Variants in RPTOR observed in about 807,000 individuals in gnomAD.
The protein encoded by RPTOR is regulatory associated protein of MTOR complex 1.
A neutral mutation model predicts 169.9 loss-of-function variants in RPTOR; 21 were observed. The ratio of observed to expected loss-of-function variants is 0.12; its 90% CI spans 0.09 to 0.18. RPTOR has a LOEUF of 0.18. Among genes scored for constraint, RPTOR ranks in the 10% least tolerant of loss-of-function variants. The probability of loss-of-function intolerance (pLI) is 1.00; values close to 1 mark genes in which losing one functional copy is unlikely to be tolerated. For missense variants in RPTOR, 1,133 were observed against 1,855.9 expected, an observed-to-expected ratio of 0.61 and a Z score of 7.16; for synonymous variants, 732 against 753.2, an observed-to-expected ratio of 0.97 and a Z score of 0.46.
At chr17:80,774,576 T>C (rs2066875201) in intron 6 of RPTOR, among the ~76,000 whole-genome samples, 1 of 152,214 alleles carries the variant, frequency 6.6e-6, no homozygotes, top group Non-Finnish European at 1.5e-5. Flanking sequence ...TTTTCACTAT[T>C]CCATGCTGCC....
intron 1 of RPTOR, among the ~76,000 whole-genome samples, chr17:80,593,041 T>C (rs1363953751): frequency 6.6e-6 from 1 of 152,168 alleles, no homozygotes; most frequent in African/African-American, 2.4e-5. Context: ...CTGAGTGCCT[T>C]TGCACAGACT....
intron 7 of RPTOR, among the ~76,000 whole-genome samples, chr17:80,794,435 G>A (rs963478387): frequency 6.6e-5 from 10 of 152,272 alleles, no homozygotes; most frequent in African/African-American, 9.6e-5. Context: ...CTGACCAAAC[G>A]CAGTGTTGAG....
At position 80,946,256 on chromosome 17, in the gene RPTOR, G is replaced by A. The variant is rs2069102791; in HGVS notation, c.3140+475G>A. Among the ~76,000 whole-genome samples, 4 of 152,334 alleles carry A rather than the reference G, an allele frequency of 2.6e-5. No homozygotes were observed. In the South Asian group the frequency reaches 6.2e-4, roughly 24 times the overall value. On this transcript the variant is annotated intron_variant, in intron 26 of 33. Coordinates refer to ENST00000306801, the MANE Select transcript of RPTOR (RefSeq NM_020761.3). The stretch of plus-strand genomic sequence containing the variant: ...GGGCAGTGGGAGGGGGTTCCTTTTA[G>A]AGTTTAGAGTTTATAAAATCTCTGT...
At position 80,634,856 on chromosome 17, in the gene RPTOR, CCG is replaced by C. The variant is rs1475343403; in HGVS notation, c.266-8871_266-8870del. Among the ~76,000 whole-genome samples the C allele has an allele frequency of 2.5e-3, 199 of 80,274 alleles. 3 individuals carry two copies. Among genetic ancestry groups the C allele is most frequent in the African/African-American group, 0.011 (190 of 17,834 alleles). The allele number at this position is 80,274 out of a possible 152,430, so 52.7% of individuals were successfully genotyped here. A position where few individuals can be genotyped will look rare whatever the true frequency, so the allele number is the denominator to read the frequency against. On this transcript the variant is annotated intron_variant, in intron 2 of 33. Transcript: ENST00000306801. ...TGTGTGCATACCGTGTGTGTGCATA[CCG>C]TGTGTGTGTGCATACTGTGTGCATA...
chr17:80,755,501 G>T (rs1304311738), intron 6 of RPTOR, among the ~76,000 whole-genome samples: 1 of 152,084 alleles, frequency 6.6e-6, no homozygotes, highest in Non-Finnish European at 1.5e-5. Flanking sequence ...CTTTGGGAAG[G>T]TGAGGCAGGC....
chr17:80,945,450 G>A (rs2144052472), intron 25 of RPTOR: 1 of 372,614 alleles, frequency 2.7e-6, no homozygotes, highest in East Asian at 5.2e-5. Flanking sequence ...AAATTAGCTG[G>A]GCATGGTGGC....
rs2069398820 is a variant in RPTOR, at chr17:80,964,442, G to T, written c.*112G>T. 12 of 1,003,306 alleles carry T rather than the reference G, an allele frequency of 1.2e-5. No homozygotes were observed. In the East Asian group the frequency reaches 2.9e-4, roughly 24 times the overall value. 62.2% of individuals were successfully genotyped at this position (1,003,306 alleles called of 1,614,324 possible). ...CGGCCCCGCAGTGTGAACGTTGGCT[G>T]CTGCCTTAGCTGCTGATGACGGCAG... is the stretch of plus-strand genomic sequence containing the variant. On this transcript the variant is annotated 3_prime_UTR_variant, in exon 34 of 34. Coordinates refer to ENST00000306801, the MANE Select transcript of RPTOR (RefSeq NM_020761.3).
At chr17:80,747,572 C>T (rs2066588136) in intron 5 of RPTOR, among the ~76,000 whole-genome samples, 2 of 152,222 alleles carry the variant, frequency 1.3e-5, no homozygotes, top group Admixed American at 1.3e-4. Flanking sequence ...CCGACTGCTC[C>T]CTCGGCAACC....
At chr17:80,886,110 C>T (rs537149043) in intron 17 of RPTOR, among the ~76,000 whole-genome samples, 2 of 152,334 alleles carry the variant, frequency 1.3e-5, no homozygotes, top group East Asian at 1.9e-4. Context: ...CGTGCGTTCC[C>T]GTGCTGGCTG....
intron 3 of RPTOR, among the ~76,000 whole-genome samples, chr17:80,661,895 C>T (rs1238773402): frequency 6.6e-6 from 1 of 152,162 alleles, no homozygotes; most frequent in Non-Finnish European, 1.5e-5. Context: ...CACACCAGGG[C>T]CTCGGTAATT....
chr17:80,815,965 G>A (rs528626767), intron 7 of RPTOR, among the ~76,000 whole-genome samples: 2 of 152,184 alleles, frequency 1.3e-5, no homozygotes, highest in Non-Finnish European at 2.9e-5. Context: ...CCCGACTGGC[G>A]AGGTGGCTTC....
At chr17:80,608,998 CAAG>C (rs1342914190) in intron 1 of RPTOR, among the ~76,000 whole-genome samples, 2 of 152,114 alleles carry the variant, frequency 1.3e-5, no homozygotes, top group African/African-American at 2.4e-5. Flanking sequence ...GTTACAATGA[CAAG>C]AAGAAGTCAG....
At chr17:80,821,634 A>T (rs557583144) in intron 7 of RPTOR, among the ~76,000 whole-genome samples, 5 of 151,844 alleles carry the variant, frequency 3.3e-5, no homozygotes, top group Non-Finnish European at 5.9e-5. Context: ...GCCACCTCTA[A>T]TGTGTGCTTG....
chr17:80,735,548 C>T (rs768333757), intron 5 of RPTOR, among the ~76,000 whole-genome samples: 9 of 152,158 alleles, frequency 5.9e-5, no homozygotes, highest in African/African-American at 1.2e-4. Flanking sequence ...AAGTCTTGTC[C>T]GTCAGTTTCT....
In RPTOR at chr17:80,653,979, C is replaced by G. The variant is rs181399372; in HGVS notation, c.348+10169C>G. Among the ~76,000 whole-genome samples the G allele has an allele frequency of 1.2e-4, 18 of 152,336 alleles. No homozygotes were observed. The East Asian group carries it at 2.5e-3, about 21-fold the overall frequency. On this transcript the variant is annotated intron_variant, in intron 3 of 33. Coordinates refer to ENST00000306801, the MANE Select transcript of RPTOR (RefSeq NM_020761.3). ...CCCCCCACAAGAGTGTTTGATGCTTCCCTGGATGGCCAGGCTGTACGGCCA... is the reference window on the plus strand; with the variant it reads ...CCCCCCACAAGAGTGTTTGATGCTTGCCTGGATGGCCAGGCTGTACGGCCA...
chr17:80,709,436 C>T (rs1022430633), intron 4 of RPTOR, among the ~76,000 whole-genome samples: 5 of 152,164 alleles, frequency 3.3e-5, no homozygotes, highest in African/African-American at 7.2e-5. Context: ...ACGGCGAATC[C>T]GGGAGATCGC....
Position 80,730,692 on chromosome 17 carries a change from G to C in RPTOR, c.640G>C (p.Glu214Gln). ...KSFKQFALQR[E>Q]QELEVAAINP... The stretch of plus-strand genomic sequence containing the variant: ...CTTCAAGCAGTTCGCACTACAGCGG[G>C]AGCAGGAGCTGGAGGTGAGCGCTCT... The change falls in exon 5 of 34, where the codon GAG becomes CAG. Residue 214 changes from glutamate (E) to glutamine (Q), a missense_variant. Glu to Gln is a conservative substitution (Grantham distance 29). Coordinates refer to ENST00000306801, the MANE Select transcript of RPTOR (RefSeq NM_020761.3). This position sits in a 1 kb window ranked among gnomAD's most constrained non-coding sequence, Gnocchi z 4.2. 6.2e-7 allele frequency: 1 copy of C among 1,611,592 alleles called. No individual in the cohort carries two copies. The highest frequency in any genetic ancestry group is 8.5e-7 in the Non-Finnish European group (1 of 1,179,134).
intron 5 of RPTOR, among the ~76,000 whole-genome samples, chr17:80,743,008 C>T (rs2066500131): frequency 6.6e-6 from 1 of 152,112 alleles, no homozygotes; most frequent in African/African-American, 2.4e-5. Flanking sequence ...CACATATGTT[C>T]CTTTCTAATT....
chr17:80,742,852 A>T (rs1247421138), intron 5 of RPTOR, among the ~76,000 whole-genome samples: 1 of 152,038 alleles, frequency 6.6e-6, no homozygotes, highest in Non-Finnish European at 1.5e-5. Flanking sequence ...ACATACACAT[A>T]TACATGTGCA....
Sources: gnomAD v4.1 joint callset for allele counts (sites outside exome capture counted in the v4.1 genomes callset) on GRCh38, gnomAD v4.1.1 for gene constraint, Gnocchi (gnomAD v3.1) non-coding constraint, MANE v1.5 for transcripts, NCBI Gene and HGNC (gene_info 2026-07-23, HGNC 2026-07-21) for gene names.